The following ADAMTS16 variants were observed in gnomAD, a reference collection of about 807,000 sequenced individuals.
The protein encoded by ADAMTS16 is ADAM metallopeptidase with thrombospondin type 1 motif 16, also known as A disintegrin and metalloproteinase with thrombospondin motifs 16.
In ADAMTS16, 94 loss-of-function variants were observed where a neutral mutation model predicts 145.8. That is an observed-to-expected ratio of 0.64 (90% CI 0.55 to 0.77). The LOEUF (loss-of-function observed/expected upper bound fraction) is 0.77, where lower values mean the gene tolerates loss of function less well. ADAMTS16 is among the 30% of genes least tolerant of loss of function. The pLI is 0.00. For synonymous variants in ADAMTS16, 659 were observed against 604.3 expected, an observed-to-expected ratio of 1.09 and a Z score of -1.33; for missense variants, 1,585 against 1,591.5, an observed-to-expected ratio of 1.00 and a Z score of 0.07.
At position 5,186,078 on chromosome 5, in the gene ADAMTS16, C is replaced by G. The variant is rs956678464; in HGVS notation, c.790C>G (p.Leu264Val). ...CATGCCCCAGCCTCCCAAGGAAGAC[C>G]TCTTCATCTTGCCAGATGAGTATAA... ...KYMPQPPKEDLFILPDEYKSC... is the reference protein window; with the variant it reads ...KYMPQPPKEDVFILPDEYKSC... Residue 264 changes from leucine to valine, a missense_variant, in exon 5 of 23, where the codon CTC (leucine) becomes GTC (valine). Transcript: ENST00000274181. The G allele has an allele frequency of 6.2e-7, 1 of 1,613,864 alleles. No homozygotes were observed. The highest frequency in any genetic ancestry group is 8.5e-7 in the Non-Finnish European group (1 of 1,180,002).
chr5:5,221,892 C>T (rs1213219200), intron 10 of ADAMTS16, among the ~76,000 whole-genome samples: 3 of 152,194 alleles, frequency 2.0e-5, no homozygotes, highest in Non-Finnish European at 4.4e-5. Flanking sequence ...TGACATGAAT[C>T]ACCCAGTAGA....
intron 9 of ADAMTS16, 63 bp from the exon 10 acceptor site, chr5:5,209,030 A>G (rs1560949848): frequency 6.6e-7 from 1 of 1,518,238 alleles, no homozygotes; most frequent in Non-Finnish European, 8.9e-7. Context: ...AGGCATAATT[A>G]GTTGTAAGTC....
chr5:5,141,087 G>T (rs1734156427), intron 2 of ADAMTS16, among the ~76,000 whole-genome samples: 1 of 152,140 alleles, frequency 6.6e-6, no homozygotes, highest in Non-Finnish European at 1.5e-5. Context: ...CATCAAAGCC[G>T]TCATAAAGAG....
intron 17 of ADAMTS16, among the ~76,000 whole-genome samples, chr5:5,246,263 A>C (rs571249695): frequency 6.6e-6 from 1 of 152,236 alleles, no homozygotes; most frequent in Non-Finnish European, 1.5e-5. Flanking sequence ...TCCAACATGT[A>C]TGCTGTAATG....
At chr5:5,227,528 TGTGTGTGTGTGTG>T (rs1286872534) in intron 11 of ADAMTS16, among the ~76,000 whole-genome samples, 1 of 149,994 alleles carries the variant, frequency 6.7e-6, no homozygotes, top group Non-Finnish European at 1.5e-5. Flanking sequence ...TGTGTGTGTG[TGTGTGTGTGTGTG>T]TGTGTGTCTC....
chr5:5,266,246 C>T lies in ADAMTS16; in HGVS notation c.2789+3463C>T, dbSNP rs183585513. Among the ~76,000 whole-genome samples, 287 of 152,282 alleles carry T rather than the reference C, an allele frequency of 1.9e-3. 2 individuals carry two copies. The highest frequency in any genetic ancestry group is 6.3e-3 in the African/African-American group (263 of 41,548). On this transcript the variant is annotated intron_variant, in intron 18 of 22. Coordinates refer to ENST00000274181, the MANE Select transcript of ADAMTS16 (RefSeq NM_139056.4). ...ATGCTAGAGAAAACTCACCCCAACA[C>T]AGGAACAAGCTACCAATGTCTGGGC...
intron 18 of ADAMTS16, among the ~76,000 whole-genome samples, chr5:5,280,100 C>CT (rs1395652838): frequency 1.5e-4 from 22 of 151,698 alleles, no homozygotes; most frequent in Admixed American, 2.0e-4. Flanking sequence ...GATTTTGCTC[C>CT]TTTTTTGTGT....
At chr5:5,232,335 G>A in intron 11 of ADAMTS16, 33 bp from the exon 12 acceptor site, 1 of 1,613,666 alleles carries the variant, frequency 6.2e-7, no homozygotes, top group Non-Finnish European at 8.5e-7. Context: ...ATCTGTGTGA[G>A]TCAAGTCAAC....
At position 5,195,999 on chromosome 5, in the gene ADAMTS16, G is replaced by A. The variant is rs184869069; in HGVS notation, c.1314-4133G>A. Among the ~76,000 whole-genome samples, 770 of 152,140 alleles carry A rather than the reference G, an allele frequency of 5.1e-3. 7 individuals are homozygous for A. Among genetic ancestry groups the A allele is most frequent in the South Asian group, 0.03 (143 of 4,808 alleles). ...TCCCAGCATTTTGGGAGCCCAAGGT[G>A]GGTGGATCATGAGGTCAGGAGTTCC... On this transcript the variant is annotated intron_variant, in intron 8 of 22. Coordinates refer to ENST00000274181, the MANE Select transcript of ADAMTS16 (RefSeq NM_139056.4).
At chr5:5,192,284 T>A (rs1301874587) in intron 8 of ADAMTS16, among the ~76,000 whole-genome samples, 1 of 152,164 alleles carries the variant, frequency 6.6e-6, no homozygotes, top group Non-Finnish European at 1.5e-5. Context: ...GTGCCTAAGA[T>A]TGAGGATAGC....
chr5:5,184,035 G>T (rs1433431814), intron 4 of ADAMTS16, among the ~76,000 whole-genome samples: 3 of 152,208 alleles, frequency 2.0e-5, no homozygotes, highest in African/African-American at 7.2e-5. Flanking sequence ...GGGGTATGCA[G>T]GTGATAGTAC....
Position 5,319,214 on chromosome 5 carries a change from C to T in ADAMTS16, c.*76C>T, listed in dbSNP as rs760307276. On this transcript the variant is annotated 3_prime_UTR_variant, in exon 23 of 23. Coordinates refer to ENST00000274181, the MANE Select transcript of ADAMTS16 (RefSeq NM_139056.4). The stretch of plus-strand genomic sequence containing the variant: ...TCCCACAAATGAGCTGTGCAATCTA[C>T]GTCGGAATACATCCAAGGAAGAGCA... 92 of 1,075,254 alleles carry T rather than the reference C, an allele frequency of 8.6e-5. No individual in the cohort carries two copies. Among genetic ancestry groups the T allele is most frequent in the African/African-American group, 7.9e-4 (51 of 64,336 alleles). 66.6% of individuals were successfully genotyped at this position (1,075,254 alleles called of 1,614,324 possible). A position where few individuals can be genotyped will look rare whatever the true frequency, so the allele number is the denominator to read the frequency against.
intron 18 of ADAMTS16, among the ~76,000 whole-genome samples, chr5:5,281,315 G>T (rs1188869957): frequency 6.6e-6 from 1 of 152,136 alleles, no homozygotes; most frequent in African/African-American, 2.4e-5. Context: ...ATGATAAAAG[G>T]TTTTTAAAAC....
chr5:5,295,655 G>A (rs1162637106), intron 18 of ADAMTS16, among the ~76,000 whole-genome samples: 2 of 152,226 alleles, frequency 1.3e-5, no homozygotes, highest in Non-Finnish European at 2.9e-5. Context: ...TTTCTAACAA[G>A]GCTGGAAGTA....
chr5:5,201,568 C>G lies in ADAMTS16; in HGVS notation c.1451+1299C>G, dbSNP rs116337271. On this transcript the variant is annotated intron_variant, in intron 9 of 22. Coordinates refer to ENST00000274181, the MANE Select transcript of ADAMTS16 (RefSeq NM_139056.4). ...TTTTTTAAGTAACAGCTTTAATGAG[C>G]TAAAATTAATACACAAAAACTACAC... Among the ~76,000 whole-genome samples the G allele has an allele frequency of 2.6e-3, 390 of 151,174 alleles. 4 individuals carry two copies. The highest frequency in any genetic ancestry group is 9.2e-3 in the African/African-American group (378 of 41,168).
intron 17 of ADAMTS16, among the ~76,000 whole-genome samples, chr5:5,248,982 CTGAT>C (rs1737540088): frequency 6.6e-6 from 1 of 152,122 alleles, no homozygotes; most frequent in South Asian, 2.1e-4. Flanking sequence ...GAAAAAGAGA[CTGAT>C]TGGGAGAGAT....
Position 5,230,189 on chromosome 5 carries a change from C to G in ADAMTS16, c.1702-2179C>G, listed in dbSNP as rs761027024. On this transcript the variant is annotated intron_variant, in intron 11 of 22. Transcript: ENST00000274181. ...CAGAATATGGGAAACTCCCAACAAA[C>G]AGATCCATTATTTTATCACGTGAAT... 6.6e-4 allele frequency among the ~76,000 whole-genome samples: 100 copies of G among 152,162 alleles called. No homozygotes were observed. The Middle Eastern group carries it at 0.024, about 36-fold the overall frequency.
intron 18 of ADAMTS16, among the ~76,000 whole-genome samples, chr5:5,272,037 A>T (rs1236120312): frequency 6.6e-6 from 1 of 151,838 alleles, no homozygotes; most frequent in Non-Finnish European, 1.5e-5. Context: ...AAAAGGGGGG[A>T]GCAATTTCCT....
chr5:5,222,223 A>G (rs4702248), intron 10 of ADAMTS16, among the ~76,000 whole-genome samples: 61,303 of 152,032 alleles, frequency 0.4, 12,512 homozygotes, highest in Middle Eastern at 0.45. Flanking sequence ...GAGGCAAAGA[A>G]GGTCATGTTC....
Sources: allele counts gnomAD v4.1 joint callset (sites outside exome capture counted in the v4.1 genomes callset), GRCh38; gene constraint gnomAD v4.1.1; transcripts MANE v1.5; gene names NCBI Gene and HGNC (gene_info 2026-07-23, HGNC 2026-07-21).